The following SLC1A1 variants were observed in gnomAD, a reference collection of about 807,000 sequenced individuals.
SLC1A1 encodes solute carrier family 1 member 1.
A neutral mutation model predicts 53.3 loss-of-function variants in SLC1A1; 43 were observed. The observed-to-expected ratio is 0.81, with a 90% CI of 0.63 to 1.04. The LOEUF (loss-of-function observed/expected upper bound fraction) is 1.04. Among genes scored for constraint, SLC1A1 ranks in the 50% least tolerant of loss-of-function variants. The probability of loss-of-function intolerance (pLI) is 0.00; values close to 1 mark genes in which losing one functional copy is unlikely to be tolerated. For missense variants in SLC1A1, 748 were observed against 664.9 expected, an observed-to-expected ratio of 1.12 and a Z score of -1.37; for synonymous variants, 307 against 243.2, an observed-to-expected ratio of 1.26 and a Z score of -2.44.
In SLC1A1 at chr9:4,583,003, T is replaced by C. The variant is rs1821245521; in HGVS notation, c.1194-35T>C. The stretch of plus-strand genomic sequence containing the variant: ...CCAGGGCTTTAACGGGAGAGGTAAG[T>C]GTCTAACTCCTTTCCTGCTGGTATG... On this transcript the variant is annotated intron_variant, in intron 10 of 11. Transcript: ENST00000262352. The surrounding 1 kb of genome is among the most constrained non-coding windows in gnomAD (Gnocchi z 4.6). 6.2e-7 allele frequency: 1 copy of C among 1,613,702 alleles called. No individual in the cohort carries two copies. The highest frequency in any genetic ancestry group is 1.1e-5 in the South Asian group (1 of 91,070).
chr9:4,551,626 G>C (rs542508174), intron 2 of SLC1A1, among the ~76,000 whole-genome samples: 3 of 152,294 alleles, frequency 2.0e-5, no homozygotes, highest in African/African-American at 7.2e-5. Flanking sequence ...AACATTGGTG[G>C]TCCATTATAC....
intron 1 of SLC1A1, among the ~76,000 whole-genome samples, chr9:4,523,901 G>T (rs1199384479): frequency 1.3e-5 from 2 of 152,228 alleles, no homozygotes; most frequent in Admixed American, 6.5e-5. Context: ...CTAATAAAGT[G>T]GTGAGGCCAA....
At chr9:4,562,561 T>A (rs1419542045) in intron 3 of SLC1A1, among the ~76,000 whole-genome samples, 1 of 152,224 alleles carries the variant, frequency 6.6e-6, no homozygotes, top group African/African-American at 2.4e-5. Context: ...GAGGAGCTGC[T>A]CTTATACCCT....
Position 4,583,051 on chromosome 9 carries a change from T to C in SLC1A1, c.1207T>C (p.Ser403Pro). The stretch of plus-strand genomic sequence containing the variant: ...ATGTTTCTGCAGTATCACGGCCACA[T>C]CTGCCAGCATCGGAGCTGCTGGCGT... ...QIITISITATSASIGAAGVPQ... is the reference protein window; with the variant it reads ...QIITISITATPASIGAAGVPQ... The change falls in exon 11 of 12, where the codon TCT (serine) becomes CCT (proline). Residue 403 changes from serine to proline, a missense_variant. Ser to Pro is a moderately conservative substitution (Grantham distance 74). Coordinates refer to ENST00000262352, the MANE Select transcript of SLC1A1 (RefSeq NM_004170.6). The surrounding 1 kb of genome is among the most constrained non-coding windows in gnomAD (Gnocchi z 4.6). 1 of 1,614,246 alleles carries C rather than the reference T, an allele frequency of 6.2e-7. No homozygotes were observed. The highest frequency in any genetic ancestry group is 8.5e-7 in the Non-Finnish European group (1 of 1,180,030).
chr9:4,532,249 T>G (rs1270753043), intron 1 of SLC1A1, among the ~76,000 whole-genome samples: 1 of 152,064 alleles, frequency 6.6e-6, no homozygotes, highest in Non-Finnish European at 1.5e-5. Flanking sequence ...AGGCTTCAGA[T>G]GATCAAACTA....
rs1256891254 is a variant in SLC1A1, at chr9:4,576,015, C to G, written c.890C>G (p.Ser297Cys). 1.2e-6 allele frequency: 2 copies of G among 1,614,074 alleles called. No individual in the cohort carries two copies. The highest frequency in any genetic ancestry group is 3.3e-5 in the Admixed American group (2 of 60,020). ...ATVLTGLAIH[S>C]IVILPLIYFI... ...CTTGTTTACAGGCTTGCAATCCACT[C>G]CATTGTAATTCTCCCGCTGATATAT... The change falls in exon 9 of 12, where the codon TCC becomes TGC. Residue 297 changes from serine to cysteine, a missense_variant. Transcript: ENST00000262352.
chr9:4,566,392 C>T (rs574403982), intron 5 of SLC1A1, among the ~76,000 whole-genome samples: 3 of 152,202 alleles, frequency 2.0e-5, no homozygotes, highest in Non-Finnish European at 2.9e-5. Context: ...ATGTGGCCTC[C>T]AGTACCTATT....
At chr9:4,528,086 G>A (rs565480756) in intron 1 of SLC1A1, among the ~76,000 whole-genome samples, 1 of 152,258 alleles carries the variant, frequency 6.6e-6, no homozygotes, top group South Asian at 2.1e-4. Flanking sequence ...TGTTATGCCA[G>A]GGATATTAGG....
At chr9:4,523,428 T>C (rs1209494255) in intron 1 of SLC1A1, among the ~76,000 whole-genome samples, 1 of 152,208 alleles carries the variant, frequency 6.6e-6, no homozygotes, top group Non-Finnish European at 1.5e-5. Flanking sequence ...TATCAAGTGG[T>C]ATAAATATTA....
At chr9:4,580,406 C>A (rs948567074) in intron 10 of SLC1A1, among the ~76,000 whole-genome samples, 2 of 151,870 alleles carry the variant, frequency 1.3e-5, no homozygotes, top group African/African-American at 4.8e-5. Context: ...CAAGGCGAGG[C>A]CCCGTCTCTA....
At chr9:4,572,076 T>C (rs187570744) in intron 6 of SLC1A1, 128 bp from the exon 7 acceptor site, 20 of 796,188 alleles carry the variant, frequency 2.5e-5, no homozygotes, top group Middle Eastern at 3.6e-4. Context: ...TTCTATAGTT[T>C]TGTTGACTCT....
Position 4,576,640 on chromosome 9 carries a change from T to A in SLC1A1, c.1070T>A (p.Phe357Tyr), listed in dbSNP as rs1820570971. The A allele has an allele frequency of 2.5e-6, 4 of 1,614,044 alleles. No individual in the cohort carries two copies. In the South Asian group the frequency reaches 4.4e-5, roughly 18 times the overall value. ...CAGGTGGACAAGAGGATCACTCGAT[T>A]CGTGTTACCCGTTGGTGCAACAATC... is the stretch of plus-strand genomic sequence containing the variant. ...NNQVDKRITR[F>Y]VLPVGATINM... Residue 357 changes from phenylalanine to tyrosine, a missense_variant, in exon 10 of 12, where the codon TTC (phenylalanine) becomes TAC (tyrosine). Phe to Tyr is a conservative substitution (Grantham distance 22). Coordinates refer to ENST00000262352, the MANE Select transcript of SLC1A1 (RefSeq NM_004170.6).
chr9:4,555,924 A>T (rs976624295), intron 2 of SLC1A1, among the ~76,000 whole-genome samples: 5 of 152,190 alleles, frequency 3.3e-5, no homozygotes, highest in African/African-American at 1.2e-4. Context: ...TAACCTTCGT[A>T]AACTATAGTT....
intron 10 of SLC1A1, among the ~76,000 whole-genome samples, chr9:4,580,552 G>A (rs1820963580): frequency 6.6e-6 from 1 of 150,696 alleles, no homozygotes; most frequent in Non-Finnish European, 1.5e-5. Context: ...CTGAACTCCA[G>A]CCTGGGCAAC....
intron 2 of SLC1A1, among the ~76,000 whole-genome samples, chr9:4,557,334 G>A (rs1818506142): frequency 6.6e-6 from 1 of 152,204 alleles, no homozygotes; most frequent in Admixed American, 6.5e-5. Context: ...TGCTTGCAAG[G>A]CAAAGAGCTT....
intron 1 of SLC1A1, among the ~76,000 whole-genome samples, chr9:4,536,378 C>T (rs138672135): frequency 7.2e-4 from 109 of 152,094 alleles, no homozygotes; most frequent in African/African-American, 2.2e-3. Context: ...AAAAAGTGGG[C>T]GAAGGATATG....
At chr9:4,507,994 G>A (rs7033181) in intron 1 of SLC1A1, among the ~76,000 whole-genome samples, 1 of 152,016 alleles carries the variant, frequency 6.6e-6, no homozygotes, top group Non-Finnish European at 1.5e-5. Context: ...GGAGGAAAAG[G>A]TGTACCCTTC....
At chr9:4,545,189 G>GTGTC (rs1554681238) in intron 2 of SLC1A1, among the ~76,000 whole-genome samples, 1 of 130,906 alleles carries the variant, frequency 7.6e-6, no homozygotes, top group Non-Finnish European at 1.6e-5. Context: ...TACATTAGAT[G>GTGTC]TCTCTCTCTC....
intron 1 of SLC1A1, among the ~76,000 whole-genome samples, chr9:4,521,301 AC>A (rs1168398636): frequency 6.6e-6 from 1 of 152,104 alleles, no homozygotes; most frequent in Non-Finnish European, 1.5e-5. Flanking sequence ...CCTCCTATTT[AC>A]CCATAAGTAT....
Sources: gnomAD v4.1 joint callset for allele counts (sites outside exome capture counted in the v4.1 genomes callset) on GRCh38, gnomAD v4.1.1 for gene constraint, Gnocchi (gnomAD v3.1) non-coding constraint, MANE v1.5 for transcripts, NCBI Gene and HGNC (gene_info 2026-07-23, HGNC 2026-07-21) for gene names.